Variants in SYTL2 observed in about 807,000 individuals in gnomAD.
The protein encoded by SYTL2 is synaptotagmin-like protein 2.
Under a neutral mutation model 198.7 loss-of-function variants are expected in SYTL2, and 165 were observed. The observed-to-expected ratio is 0.83, with a 90% CI of 0.73 to 0.94. SYTL2 has a LOEUF of 0.94. Ranked by LOEUF, SYTL2 falls within the 40% of genes least tolerant of loss-of-function variation. The pLI, the probability that SYTL2 is intolerant of heterozygous loss-of-function variation, is 0.00. For synonymous variants in SYTL2, 966 were observed against 917.7 expected (o/e 1.05, Z -0.95); for missense variants, 2,835 against 2,582.8 (o/e 1.10, Z -2.12).
chr11:85,781,061 T>C (rs1179449719), intron 1 of SYTL2, among the ~76,000 whole-genome samples: 2 of 152,226 alleles, frequency 1.3e-5, no homozygotes, highest in Admixed American at 6.5e-5. Context: ...GGAAGAACAC[T>C]GCAGTAGTCC....
chr11:85,732,701 C>A (rs2089936241), intron 7 of SYTL2, among the ~76,000 whole-genome samples: 1 of 152,052 alleles, frequency 6.6e-6, no homozygotes, highest in Non-Finnish European at 1.5e-5. Context: ...ATGTAACAAA[C>A]CTGCACGTTC....
chr11:85,827,443 C>T, the SYTL2 span, among the ~76,000 whole-genome samples: 77 of 152,224 alleles, frequency 5.1e-4, no homozygotes, highest in Non-Finnish European at 9.4e-4. Context: ...GGTCTCTCTT[C>T]AGTCTTCACA....
At chr11:85,756,470 A>C (rs1192968387) in intron 2 of SYTL2, among the ~76,000 whole-genome samples, 1 of 152,120 alleles carries the variant, frequency 6.6e-6, no homozygotes, top group African/African-American at 2.4e-5. Flanking sequence ...GAGTTAACAA[A>C]TGAGTACCTA....
rs1369447294 is a variant in SYTL2, at chr11:85,726,941, G to C, written c.2417C>G (p.Ala806Gly). 3.9e-6 allele frequency: 6 copies of C among 1,536,526 alleles called. No individual in the cohort carries two copies. In the South Asian group the frequency reaches 4.8e-5, roughly 12 times the overall value. ...TGTGGGTTTTTCATGAGTTATCTTA[G>C]CACCAGCTTTCTCTCCTTCCCAAAA... The part of the protein sequence containing the change: ...ISFWEGEKAG[A>G]KITHEKPTSS... Residue 806 changes from alanine to glycine, a missense_variant, in exon 8 of 20, where the codon GCT becomes GGT. Physicochemically the swap from Ala to Gly is moderately conservative, Grantham distance 60. Around this residue, in one of 3 missense-constraint regions of SYTL2, gnomAD observed 2,645 missense variants for 2,381.7 expected, o/e 1.11. Coordinates refer to ENST00000359152, the MANE Select transcript of SYTL2 (RefSeq NM_206927.4).
intron 1 of SYTL2, among the ~76,000 whole-genome samples, chr11:85,782,054 T>C (rs2093727992): frequency 6.6e-6 from 1 of 152,224 alleles, no homozygotes; most frequent in South Asian, 2.1e-4. Flanking sequence ...AGTTCCCTTC[T>C]GCACTGCCCT....
At chr11:85,808,472 T>C (rs1455899642) in intron 1 of SYTL2, among the ~76,000 whole-genome samples, 3 of 152,194 alleles carry the variant, frequency 2.0e-5, no homozygotes, top group Non-Finnish European at 2.9e-5. Context: ...AAAACATTCT[T>C]CATTCTGAAA....
chr11:85,790,767 C>A (rs1335106667), intron 1 of SYTL2, among the ~76,000 whole-genome samples: 1 of 152,122 alleles, frequency 6.6e-6, no homozygotes, highest in Non-Finnish European at 1.5e-5. Context: ...AATTCCACAG[C>A]AGAAGAGATA....
intron 9 of SYTL2, chr11:85,719,124 A>G: frequency 6.9e-7 from 1 of 1,449,942 alleles, no homozygotes. Flanking sequence ...ATCGGCCAGC[A>G]GCAGGAGAAA....
intron 7 of SYTL2, among the ~76,000 whole-genome samples, chr11:85,732,499 A>G (rs1591794795): frequency 1.3e-5 from 2 of 151,466 alleles, no homozygotes; most frequent in South Asian, 4.2e-4. Flanking sequence ...AGATCAGAAA[A>G]CCAACCACCG....
chr11:85,802,130 A>G (rs1166004711), intron 1 of SYTL2, among the ~76,000 whole-genome samples: 2 of 149,576 alleles, frequency 1.3e-5, no homozygotes, highest in Non-Finnish European at 3.0e-5. Flanking sequence ...TTCTCCTGGT[A>G]TCCCTTCTCT....
At position 85,724,891 on chromosome 11, in the gene SYTL2, T is replaced by C. The variant is rs1398282106; in HGVS notation, c.4467A>G (p.Gln1489=). 50 of 1,614,012 alleles carry C rather than the reference T, an allele frequency of 3.1e-5. No homozygotes were observed. Among genetic ancestry groups the C allele is most frequent in the Admixed American group, 6.7e-5 (4 of 59,990 alleles). Residue 1489 remains glutamine (Q), a synonymous_variant, in exon 8 of 20, where the codon CAA becomes CAG. Coordinates refer to ENST00000359152, the MANE Select transcript of SYTL2 (RefSeq NM_206927.4). ...VEEIVRETIV[Q]PKSEFLEFSA... is the part of the protein sequence containing the mutation. ...TGAATTCGAGGAACTCTGATTTGGGTTGAACAATTGTTTCCCTCACAATTT... is the reference window on the plus strand; with the variant it reads ...TGAATTCGAGGAACTCTGATTTGGGCTGAACAATTGTTTCCCTCACAATTT...
chr11:85,696,392 C>T lies in SYTL2; in HGVS notation c.6369-4G>A. On this transcript the variant is annotated splice_polypyrimidine_tract_variant and splice_region_variant and intron_variant, in intron 18 of 19. Transcript: ENST00000359152. ...ACTTGTATCTGGAAGGATGGTACTACAAAAAGAGGCATGATTGTGGGAGCA... is the reference window on the plus strand; with the variant it reads ...ACTTGTATCTGGAAGGATGGTACTATAAAAAGAGGCATGATTGTGGGAGCA... 6.2e-7 allele frequency: 1 copy of T among 1,611,584 alleles called. No homozygotes were observed. The highest frequency in any genetic ancestry group is 8.5e-7 in the Non-Finnish European group (1 of 1,177,912).
the SYTL2 span, among the ~76,000 whole-genome samples, chr11:85,850,425 A>C: frequency 6.6e-6 from 1 of 152,074 alleles, no homozygotes. Context: ...ACATGAAAAA[A>C]TGCTCATCAT....
At position 85,728,233 on chromosome 11, in the gene SYTL2, CTTCT is replaced by C. The variant is rs1194049221; in HGVS notation, c.1391-270_1391-267del. On this transcript the variant is annotated intron_variant, in intron 7 of 19. Coordinates refer to ENST00000359152, the MANE Select transcript of SYTL2 (RefSeq NM_206927.4). ...TAACCGAAAAATTTCTTTGTAGTTC[CTTCT>C]TTATTTTAAAAATACATGTGAATTT... Among the ~76,000 whole-genome samples the C allele has an allele frequency of 6.2e-4, 94 of 152,184 alleles. 1 individual carries two copies. The highest frequency in any genetic ancestry group is 7.7e-4 in the East Asian group (4 of 5,182).
chr11:85,784,961 C>T (rs776924907), intron 1 of SYTL2, among the ~76,000 whole-genome samples: 1 of 152,108 alleles, frequency 6.6e-6, no homozygotes, highest in Non-Finnish European at 1.5e-5. Flanking sequence ...GGCAGCAACA[C>T]ATCAGCACTT....
At chr11:85,824,631 T>C in the SYTL2 span, among the ~76,000 whole-genome samples, 1 of 152,210 alleles carries the variant, frequency 6.6e-6, no homozygotes, top group South Asian at 2.1e-4. Flanking sequence ...CATTCTAAAA[T>C]AAAATAGTTG....
At chr11:85,820,708 A>G in the SYTL2 span, among the ~76,000 whole-genome samples, 1 of 152,356 alleles carries the variant, frequency 6.6e-6, no homozygotes, top group African/African-American at 2.4e-5. Flanking sequence ...GTATTGATAA[A>G]TACTGATGTG....
the SYTL2 span, among the ~76,000 whole-genome samples, chr11:85,845,604 A>G: frequency 3.9e-5 from 6 of 152,128 alleles, no homozygotes; most frequent in Admixed American, 6.5e-5. Context: ...CTCTACAAAA[A>G]AAAATTAAAA....
the SYTL2 span, among the ~76,000 whole-genome samples, chr11:85,848,956 T>C: frequency 6.6e-6 from 1 of 152,182 alleles, no homozygotes; most frequent in Non-Finnish European, 1.5e-5. Flanking sequence ...AAACTTGGTT[T>C]GGAGAGACAA....
Sources: gnomAD v4.1 joint callset for allele counts (sites outside exome capture counted in the v4.1 genomes callset) on GRCh38, gnomAD v4.1.1 for gene constraint, gnomAD v4.1.1 regional missense constraint, MANE v1.5 for transcripts, NCBI Gene and HGNC (gene_info 2026-07-23, HGNC 2026-07-21) for gene names.